Variants in ESRRG observed in about 807,000 individuals in gnomAD.
ESRRG encodes estrogen-related receptor gamma.
A neutral mutation model predicts 44.0 loss-of-function variants in ESRRG; 13 were observed. The ratio of observed to expected loss-of-function variants is 0.30; its 90% CI spans 0.19 to 0.47. ESRRG has a LOEUF of 0.47. Ranked by LOEUF, ESRRG falls within the 20% of genes least tolerant of loss-of-function variation. The pLI, the probability that ESRRG is intolerant of heterozygous loss-of-function variation, is 1.00. For synonymous variants in ESRRG, 215 were observed against 214.6 expected (o/e 1.00, Z -0.02); for missense variants, 395 against 580.6 (o/e 0.68, Z 3.29).
At chr1:217,004,027 T>C (rs957469965) in intron 1 of ESRRG, among the ~76,000 whole-genome samples, 1 of 152,124 alleles carries the variant, frequency 6.6e-6, no homozygotes, top group African/African-American at 2.4e-5. Context: ...TACTGTCTTA[T>C]GGGGTAAAGG....
chr1:217,056,837 G>A (rs1445482520), intron 1 of ESRRG, among the ~76,000 whole-genome samples: 3 of 151,844 alleles, frequency 2.0e-5, no homozygotes, highest in African/African-American at 7.3e-5. Context: ...CAGAAATTCT[G>A]CATGGAATCA....
chr1:217,085,692 T>C (rs2151530695), intron 1 of ESRRG, among the ~76,000 whole-genome samples: 1 of 151,930 alleles, frequency 6.6e-6, no homozygotes, highest in South Asian at 2.1e-4. Context: ...GGTTTCATCA[T>C]GTTGGCCAGG....
At chr1:216,665,721 G>A (rs1399634650) in intron 2 of ESRRG, among the ~76,000 whole-genome samples, 1 of 152,044 alleles carries the variant, frequency 6.6e-6, no homozygotes, top group South Asian at 2.1e-4. Context: ...AAGTTTAAAT[G>A]TCAGTTCTTT....
chr1:216,568,647 T>C (rs945751614), intron 3 of ESRRG, among the ~76,000 whole-genome samples: 3 of 152,196 alleles, frequency 2.0e-5, no homozygotes, highest in Non-Finnish European at 2.9e-5. Context: ...TTGTTCTCTA[T>C]CAAAATGTCA....
intron 1 of ESRRG, among the ~76,000 whole-genome samples, chr1:216,693,112 T>G (rs1478577399): frequency 6.6e-6 from 1 of 152,260 alleles, no homozygotes; most frequent in Admixed American, 6.5e-5. Flanking sequence ...CAACACTTTC[T>G]GCGCAACTTC....
At chr1:216,774,898 C>A (rs956863458) in intron 2 of ESRRG, among the ~76,000 whole-genome samples, 5 of 144,046 alleles carry the variant, frequency 3.5e-5, no homozygotes, top group Non-Finnish European at 7.5e-5. Context: ...GACTCCCGGG[C>A]TTAAGCAATC....
intron 1 of ESRRG, among the ~76,000 whole-genome samples, chr1:216,981,758 A>G (rs2150394491): frequency 6.6e-6 from 1 of 152,150 alleles, no homozygotes. Context: ...ACACATACAT[A>G]TGCATTTTCC....
intron 1 of ESRRG, among the ~76,000 whole-genome samples, chr1:217,010,128 T>G (rs1281402727): frequency 2.0e-5 from 3 of 152,086 alleles, no homozygotes; most frequent in African/African-American, 7.2e-5. Flanking sequence ...GGGGGAAACA[T>G]CAGCAAATCA....
intron 2 of ESRRG, among the ~76,000 whole-genome samples, chr1:216,892,027 G>A (rs1012256093): frequency 5.9e-5 from 9 of 151,944 alleles, no homozygotes; most frequent in South Asian, 2.1e-4. Flanking sequence ...GGCTGGTCTC[G>A]AACTCCTGAC....
At chr1:216,730,305 TA>T (rs11445965) in intron 2 of ESRRG, among the ~76,000 whole-genome samples, 7,838 of 121,346 alleles carry the variant, frequency 0.065, 264 homozygotes, top group African/African-American at 0.094. Context: ...CTTAGAAAGG[TA>T]AAAAAAAAAA....
chr1:216,994,481 ACAC>A (rs2076117073), intron 1 of ESRRG, among the ~76,000 whole-genome samples: 1 of 152,180 alleles, frequency 6.6e-6, no homozygotes. Context: ...ACACACACAC[ACAC>A]ATCCTGGTAC....
chr1:216,570,469 TG>T (rs2060580002), intron 3 of ESRRG, among the ~76,000 whole-genome samples: 1 of 152,194 alleles, frequency 6.6e-6, no homozygotes, highest in African/African-American at 2.4e-5. Flanking sequence ...ACTTTCATCA[TG>T]ATTTATTTTT....
At chr1:216,925,875 G>A (rs567164048) in intron 2 of ESRRG, among the ~76,000 whole-genome samples, 8 of 152,072 alleles carry the variant, frequency 5.3e-5, no homozygotes, top group African/African-American at 1.4e-4. Flanking sequence ...ACTTGAACCC[G>A]GGGGGTGGAG....
At chr1:216,757,287 T>C (rs1167193306) in intron 2 of ESRRG, among the ~76,000 whole-genome samples, 1 of 152,036 alleles carries the variant, frequency 6.6e-6, no homozygotes, top group Non-Finnish European at 1.5e-5. Context: ...CCAGCAGTAC[T>C]CTACTTCTGA....
chr1:216,670,544 C>T (rs1354248169), intron 2 of ESRRG, among the ~76,000 whole-genome samples: 1 of 152,162 alleles, frequency 6.6e-6, no homozygotes, highest in African/African-American at 2.4e-5. Flanking sequence ...CCAGCTGGAG[C>T]CGTCCCCTGC....
At chr1:217,100,417 G>A (rs2092493037) in intron 1 of ESRRG, among the ~76,000 whole-genome samples, 1 of 152,208 alleles carries the variant, frequency 6.6e-6, no homozygotes, top group African/African-American at 2.4e-5. Flanking sequence ...CCCTTTGACA[G>A]TATCTTTTCC....
At chr1:216,952,455 T>C (rs2067136406) in intron 1 of ESRRG, among the ~76,000 whole-genome samples, 1 of 152,188 alleles carries the variant, frequency 6.6e-6, no homozygotes, top group African/African-American at 2.4e-5. Flanking sequence ...AGGGATCTTA[T>C]TGCATTCCTG....
intron 1 of ESRRG, among the ~76,000 whole-genome samples, chr1:216,972,312 T>C (rs1325110549): frequency 6.6e-6 from 1 of 152,192 alleles, no homozygotes; most frequent in Non-Finnish European, 1.5e-5. Context: ...CTTGCTCCTA[T>C]CTTAGTAACT....
At chr1:216,745,443 G>A (rs188952028) in intron 2 of ESRRG, among the ~76,000 whole-genome samples, 15 of 152,026 alleles carry the variant, frequency 9.9e-5, no homozygotes, top group African/African-American at 3.4e-4. Flanking sequence ...TTCCTGCCTC[G>A]GCCACTCAAG....
Sources: gnomAD v4.1 joint callset for allele counts (sites outside exome capture counted in the v4.1 genomes callset) on GRCh38, gnomAD v4.1.1 for gene constraint, MANE v1.5 for transcripts, NCBI Gene and HGNC (gene_info 2026-07-23, HGNC 2026-07-21) for gene names.